The following RIC1 variants were observed in gnomAD, a reference collection of about 807,000 sequenced individuals.
RIC1 encodes guanine nucleotide exchange factor subunit RIC1.
In RIC1, 88 loss-of-function variants were observed where a neutral mutation model predicts 169.0. The ratio of observed to expected loss-of-function variants is 0.52; its 90% CI spans 0.44 to 0.62. The LOEUF is 0.62. Among genes scored for constraint, RIC1 ranks in the 20% least tolerant of loss-of-function variants. The probability of loss-of-function intolerance (pLI) is 0.00; values close to 1 mark genes in which losing one functional copy is unlikely to be tolerated. For missense variants in RIC1, 1,877 were observed against 1,725.5 expected, an observed-to-expected ratio of 1.09 and a Z score of -1.56; for synonymous variants, 790 against 601.5, an observed-to-expected ratio of 1.31 and a Z score of -4.59.
intron 2 of RIC1, 44 bp downstream of exon 2, chr9:5,656,734 T>C: frequency 9.4e-7 from 1 of 1,066,274 alleles, no homozygotes; most frequent in Non-Finnish European, 1.4e-6. Context: ...TATGAAATCA[T>C]TACATCGCAT....
At chr9:5,731,717 T>C (rs1824379759) in intron 6 of RIC1, among the ~76,000 whole-genome samples, 2 of 152,190 alleles carry the variant, frequency 1.3e-5, no homozygotes, top group South Asian at 2.1e-4. Flanking sequence ...ATTTATTGAA[T>C]GCTTGTTGAA....
intron 6 of RIC1, among the ~76,000 whole-genome samples, chr9:5,731,759 G>T (rs1012876983): frequency 6.6e-6 from 1 of 152,104 alleles, no homozygotes; most frequent in African/African-American, 2.4e-5. Flanking sequence ...GTTTACATGT[G>T]TATCTTCATT....
At position 5,747,156 on chromosome 9, in the gene RIC1, G is replaced by C. The variant is rs1825425536; in HGVS notation, c.1249-146G>C. The C allele has an allele frequency of 1.1e-5, 7 of 637,768 alleles. No homozygotes were observed. In the East Asian group the frequency reaches 1.6e-4, roughly 15 times the overall value. 39.5% of individuals were successfully genotyped at this position (637,768 alleles called of 1,614,324 possible). A position where few individuals can be genotyped will look rare whatever the true frequency, so the allele number is the denominator to read the frequency against. ...TGCATGAGATTATTGTGTAGTCTTT[G>C]TCCTCTGTGAAGAAAATCAACATCG... On this transcript the variant is annotated intron_variant, in intron 11 of 25. Coordinates refer to ENST00000414202, the MANE Select transcript of RIC1 (RefSeq NM_020829.4).
chr9:5,742,791 T>C lies in RIC1; in HGVS notation c.902-78T>C, dbSNP rs1480629991. 10 of 1,214,458 alleles carry C rather than the reference T, an allele frequency of 8.2e-6. No individual in the cohort carries two copies. In the East Asian group the frequency reaches 1.5e-4, roughly 18 times the overall value. The allele number at this position is 1,214,458 out of a possible 1,614,324, so 75.2% of individuals were successfully genotyped here. A position where few individuals can be genotyped will look rare whatever the true frequency, so the allele number is the denominator to read the frequency against. ...CTCATTTAGATTTGAAAATACAGAT[T>C]GTATTTGAAAAAAAAAAAAAAACAA... On this transcript the variant is annotated intron_variant, in intron 8 of 25. Coordinates refer to ENST00000414202, the MANE Select transcript of RIC1 (RefSeq NM_020829.4).
Position 5,629,360 on chromosome 9 carries a change from C to T in RIC1, c.51C>T (p.Ser17=). ...AGAGGCTGCTGTGCCCTCTGGGGAG[C>T]CCGGCCGAGGCGCCTTTCCACGTTC... ...WPKRLLCPLG[S]PAEAPFHVQS... Residue 17 remains serine, a synonymous_variant, in exon 1 of 26, where the codon AGC becomes AGT. Coordinates refer to ENST00000414202, the MANE Select transcript of RIC1 (RefSeq NM_020829.4). The T allele has an allele frequency of 6.5e-7, 1 of 1,534,264 alleles. No homozygotes were observed. The highest frequency in any genetic ancestry group is 8.7e-7 in the Non-Finnish European group (1 of 1,146,180).
At chr9:5,664,667 G>A (rs1219938863) in intron 2 of RIC1, among the ~76,000 whole-genome samples, 1 of 152,088 alleles carries the variant, frequency 6.6e-6, no homozygotes, top group Admixed American at 6.5e-5. Flanking sequence ...TGTCTTCCTA[G>A]GTTGGGGAAG....
intron 1 of RIC1, among the ~76,000 whole-genome samples, chr9:5,654,784 C>T (rs1302823673): frequency 1.3e-5 from 2 of 152,136 alleles, no homozygotes; most frequent in East Asian, 3.8e-4. Flanking sequence ...AACTCCTGAC[C>T]TTAAGTGATC....
At chr9:5,639,373 C>T (rs935824978) in intron 1 of RIC1, among the ~76,000 whole-genome samples, 3 of 152,182 alleles carry the variant, frequency 2.0e-5, no homozygotes, top group East Asian at 1.9e-4. Context: ...CATTCAGGAA[C>T]ATATTGTTTA....
chr9:5,744,117 T>G (rs1007609277), intron 10 of RIC1, among the ~76,000 whole-genome samples: 4 of 143,616 alleles, frequency 2.8e-5, no homozygotes, highest in Admixed American at 6.8e-5. Flanking sequence ...AAGTCTTTTG[T>G]TTTTTTTTAA....
intron 2 of RIC1, among the ~76,000 whole-genome samples, chr9:5,689,095 G>A (rs1022160208): frequency 2.2e-5 from 3 of 134,434 alleles, no homozygotes; most frequent in African/African-American, 5.9e-5. Context: ...GTCGCCCAGC[G>A]GGGAGTGCAG....
intron 2 of RIC1, among the ~76,000 whole-genome samples, chr9:5,665,871 G>A (rs543453883): frequency 3.9e-5 from 6 of 152,182 alleles, no homozygotes; most frequent in African/African-American, 9.7e-5. Flanking sequence ...TGGAGGAGGT[G>A]GCTGGAGACC....
chr9:5,749,380 C>G (rs1008252666), intron 12 of RIC1, among the ~76,000 whole-genome samples: 1 of 152,130 alleles, frequency 6.6e-6, no homozygotes, highest in African/African-American at 2.4e-5. Flanking sequence ...CTATATAATG[C>G]TAAACTTTTA....
chr9:5,676,701 G>A (rs1016722924), intron 2 of RIC1, among the ~76,000 whole-genome samples: 1 of 152,156 alleles, frequency 6.6e-6, no homozygotes, highest in African/African-American at 2.4e-5. Flanking sequence ...TTGCTCTACT[G>A]TTTTAAGAAT....
At position 5,693,310 on chromosome 9, in the gene RIC1, C is replaced by G. The variant is rs901621841; in HGVS notation, c.332+3272C>G. ...CTGTATTATGTGACAGCATCTTAAC[C>G]TCAGACTGCATATCCTTTTCCACTA... On this transcript the variant is annotated intron_variant, in intron 3 of 25. Transcript: ENST00000414202. 3.9e-5 allele frequency among the ~76,000 whole-genome samples: 6 copies of G among 152,198 alleles called. 1 individual carries two copies. The South Asian group carries it at 1.2e-3, about 32-fold the overall frequency.
chr9:5,719,016 C>G (rs1823432656), intron 4 of RIC1: 1 of 152,002 alleles, frequency 6.6e-6, no homozygotes, highest in African/African-American at 2.4e-5. Context: ...CAGAAATATG[C>G]TCTTAAGTAT....
intron 3 of RIC1, among the ~76,000 whole-genome samples, chr9:5,712,094 A>C (rs1400237842): frequency 6.6e-6 from 1 of 152,134 alleles, no homozygotes; most frequent in African/African-American, 2.4e-5. Context: ...TATACCTAGT[A>C]ATGGGATTGC....
rs905300673 is a variant in RIC1, at chr9:5,631,580, G to A, written c.144+2127G>A. On this transcript the variant is annotated intron_variant, in intron 1 of 25. Coordinates refer to ENST00000414202, the MANE Select transcript of RIC1 (RefSeq NM_020829.4). ...TGCACGCCTATAGCCCCAGCTACTC[G>A]GGAGGCTGAGGCAGGAGAATCGCTT... Among the ~76,000 whole-genome samples the A allele has an allele frequency of 5.3e-5, 8 of 151,806 alleles. No individual in the cohort carries two copies. In the East Asian group the frequency reaches 1.2e-3, roughly 22 times the overall value.
chr9:5,659,567 A>T (rs1819323106), intron 2 of RIC1, among the ~76,000 whole-genome samples: 1 of 152,148 alleles, frequency 6.6e-6, no homozygotes, highest in Non-Finnish European at 1.5e-5. Flanking sequence ...AAAAAATACC[A>T]TTGGGAATTT....
intron 3 of RIC1, among the ~76,000 whole-genome samples, chr9:5,707,985 G>A (rs1822694815): frequency 6.6e-6 from 1 of 151,746 alleles, no homozygotes. Flanking sequence ...TGTTGTTGTT[G>A]TTGTTTTTAT....
Sources: gnomAD v4.1 joint callset for allele counts (sites outside exome capture counted in the v4.1 genomes callset) on GRCh38, gnomAD v4.1.1 for gene constraint, MANE v1.5 for transcripts, NCBI Gene and HGNC (gene_info 2026-07-23, HGNC 2026-07-21) for gene names.